The following PPP2R2C variants were observed in gnomAD, a reference collection of about 807,000 sequenced individuals.
PPP2R2C encodes the protein protein phosphatase 2, regulatory subunit B, gamma.
PPP2R2C carries 10 observed loss-of-function variants against 45.3 expected under a neutral mutation model. That is an observed-to-expected ratio of 0.22 (90% confidence interval 0.14 to 0.37). The LOEUF is 0.37. Among genes scored for constraint, PPP2R2C ranks in the 10% least tolerant of loss-of-function variants. PPP2R2C has a pLI of 1.00. For synonymous variants in PPP2R2C, 257 were observed against 245.4 expected, an observed-to-expected ratio of 1.05 and a Z score of -0.44; for missense variants, 308 against 619.7, an observed-to-expected ratio of 0.50 and a Z score of 5.34.
In PPP2R2C at chr4:6,323,313, C is replaced by A; in HGVS notation, c.1333G>T (p.Asp445Tyr). 1 of 1,600,974 alleles carries A rather than the reference C, an allele frequency of 6.2e-7. No individual in the cohort carries two copies. Among genetic ancestry groups the A allele is most frequent in the South Asian group, 1.1e-5 (1 of 90,406 alleles). ...LYIFQDKVNS[D>Y]MH is the part of the protein sequence containing the mutation. ...GGAACTGCACATACCTAGTGCATGT[C>A]AGAGTTTACCTTGTCCTGGAAGATG... Residue 445 changes from aspartate (D) to tyrosine (Y), a missense_variant, in exon 9 of 9, where the codon GAC becomes TAC. Asp to Tyr is a radical substitution (Grantham distance 160, BLOSUM62 -3). Transcript: ENST00000382599.
At chr4:6,509,245 T>G (rs1723345717) in intron 2 of PPP2R2C, among the ~76,000 whole-genome samples, 1 of 152,194 alleles carries the variant, frequency 6.6e-6, no homozygotes, top group East Asian at 1.9e-4. Flanking sequence ...ACACTCCAGC[T>G]TGAAAACAAA....
At chr4:6,382,655 T>C in intron 1 of PPP2R2C, 1 of 242,688 alleles carries the variant, frequency 4.1e-6, no homozygotes, top group African/African-American at 3.3e-5. Flanking sequence ...TCTCTCTCTC[T>C]CTCTCTCTCT....
At position 6,504,985 on chromosome 4, in the gene PPP2R2C, C is replaced by T. The variant is rs143117658; in HGVS notation, c.49+30286G>A. On this transcript the variant is annotated intron_variant, in intron 2 of 9. Transcript: ENST00000506140. Reference sequence around the variant, plus strand: ...AGGGAAAAAAACACAAAGAAAACCACATAAAGGCACGTCATAGTTAAACTA... The same window carrying T: ...AGGGAAAAAAACACAAAGAAAACCATATAAAGGCACGTCATAGTTAAACTA... Among the ~76,000 whole-genome samples, 825 of 152,214 alleles carry T rather than the reference C, an allele frequency of 5.4e-3. 7 individuals are homozygous for T. The highest frequency in any genetic ancestry group is 0.019 in the African/African-American group (779 of 41,546).
intron 2 of PPP2R2C, among the ~76,000 whole-genome samples, chr4:6,523,093 C>T (rs1724078656): frequency 6.6e-6 from 1 of 152,220 alleles, no homozygotes; most frequent in Middle Eastern, 3.2e-3. Flanking sequence ...CCAGGGCCTC[C>T]TGATCACATT....
upstream of PPP2R2C, among the ~76,000 whole-genome samples, chr4:6,472,643 C>CCG (rs1721978813): frequency 6.8e-6 from 1 of 147,586 alleles, no homozygotes; most frequent in Non-Finnish European, 1.5e-5. Flanking sequence ...GCCGCCGCCG[C>CCG]TGTCGCAGGC....
At position 6,368,361 on chromosome 4, in the gene PPP2R2C, C is replaced by A. The variant is rs184516219; in HGVS notation, c.625+4162G>T. ...TGTAGCACCCACGGACCACCTGCTC[C>A]AATGCCGGGTATTTTACCAATGGTT... On this transcript the variant is annotated intron_variant, in intron 5 of 8. Transcript: ENST00000382599. The surrounding 1 kb of genome is among the most constrained non-coding windows in gnomAD (Gnocchi z 4.2). Among the ~76,000 whole-genome samples, 39 of 152,296 alleles carry A rather than the reference C, an allele frequency of 2.6e-4. No individual in the cohort carries two copies. The highest frequency in any genetic ancestry group is 8.7e-4 in the African/African-American group (36 of 41,558).
At chr4:6,510,984 A>ACC (rs1723418807) in intron 2 of PPP2R2C, among the ~76,000 whole-genome samples, 1 of 94,294 alleles carries the variant, frequency 1.1e-5, no homozygotes, top group African/African-American at 3.0e-5. Flanking sequence ...CTCAAACAAA[A>ACC]AAAAACAAAC....
intron 1 of PPP2R2C, among the ~76,000 whole-genome samples, chr4:6,447,921 C>A (rs560459819): frequency 2.6e-5 from 4 of 152,310 alleles, no homozygotes; most frequent in Admixed American, 6.5e-5. Flanking sequence ...TCTGCCTAAT[C>A]ACCCTAAATG....
chr4:6,384,494 T>C (rs1716083568), intron 1 of PPP2R2C: 7 of 977,802 alleles, frequency 7.2e-6, no homozygotes, highest in South Asian at 4.7e-5. Flanking sequence ...CATTTTTTAA[T>C]AGCTGTATTG....
chr4:6,421,881 G>T (rs1718999895), intron 1 of PPP2R2C, among the ~76,000 whole-genome samples: 1 of 152,188 alleles, frequency 6.6e-6, no homozygotes, highest in Non-Finnish European at 1.5e-5. Context: ...CAATAATAGG[G>T]TTGTCATCTT....
Position 6,460,782 on chromosome 4 carries a change from G to C in PPP2R2C, c.70+11378C>G, listed in dbSNP as rs562264769. Among the ~76,000 whole-genome samples the C allele has an allele frequency of 7.2e-5, 11 of 152,066 alleles. No homozygotes were observed. The South Asian group carries it at 1.5e-3, about 20-fold the overall frequency. On this transcript the variant is annotated intron_variant, in intron 1 of 8. Transcript: ENST00000382599. The stretch of plus-strand genomic sequence containing the variant: ...GCTATGACTACATATGTTTTTTGTA[G>C]TAAGACAGCCAATAGAAATCAAAAT...
intron 1 of PPP2R2C, among the ~76,000 whole-genome samples, chr4:6,406,795 AC>A (rs755326994): frequency 7.9e-5 from 12 of 152,244 alleles, no homozygotes; most frequent in South Asian, 6.2e-4. Context: ...AAAATAAAAA[AC>A]AAAAGGTATG....
rs1273908287 is a variant in PPP2R2C, at chr4:6,324,997, C to T, written c.1053-1404G>A. Among the ~76,000 whole-genome samples the T allele has an allele frequency of 6.6e-6, 1 of 152,166 alleles. No homozygotes were observed. The highest frequency in any genetic ancestry group is 1.5e-5 in the Non-Finnish European group (1 of 68,040). ...TCCTTTTGGAAGCTGAGCTGGGCTT[C>T]CTGAGGGTGACACTGCTCTGTGACA... On this transcript the variant is annotated intron_variant, in intron 8 of 8. Transcript: ENST00000382599. The surrounding 1 kb of genome is among the most constrained non-coding windows in gnomAD (Gnocchi z 4.1).
Position 6,542,709 on chromosome 4 carries a change from A to AAAAAAGAAAAAG in PPP2R2C, c.-58-7344_-58-7333dup, listed in dbSNP as rs1553908407. Among the ~76,000 whole-genome samples the AAAAAAGAAAAAG allele has an allele frequency of 5.5e-5, 7 of 127,836 alleles. No homozygotes were observed. In the East Asian group the frequency reaches 1.2e-3, roughly 22 times the overall value. The allele number at this position is 127,836 out of a possible 152,430, so 83.9% of individuals were successfully genotyped here. ...CAGAGCAAGACTCTGTCTCAAAAAA[A>AAAAAAGAAAAAG]AAAAAGAAAAAGAAAAAAAGATCAT... is the stretch of plus-strand genomic sequence containing the variant. On this transcript the variant is annotated intron_variant, in intron 1 of 9. Transcript: ENST00000506140.
At chr4:6,552,201 G>A (rs958165896) in intron 1 of PPP2R2C, among the ~76,000 whole-genome samples, 1 of 152,164 alleles carries the variant, frequency 6.6e-6, no homozygotes, top group South Asian at 2.1e-4. Flanking sequence ...TTTTTCATTT[G>A]TTCTCATTGT....
chr4:6,395,412 A>G (rs1373966632), intron 1 of PPP2R2C, among the ~76,000 whole-genome samples: 3 of 152,130 alleles, frequency 2.0e-5, no homozygotes, highest in Non-Finnish European at 4.4e-5. Flanking sequence ...AGTCTGACCA[A>G]TGAGGGTTGG....
At chr4:6,356,791 C>A (rs1478765028) in intron 5 of PPP2R2C, among the ~76,000 whole-genome samples, 1 of 151,778 alleles carries the variant, frequency 6.6e-6, no homozygotes, top group African/African-American at 2.4e-5. Context: ...TCGGGCTAGC[C>A]TCTCAGCCTC....
At chr4:6,417,674 C>A (rs1405370139) in intron 1 of PPP2R2C, among the ~76,000 whole-genome samples, 7 of 152,254 alleles carry the variant, frequency 4.6e-5, no homozygotes, top group Non-Finnish European at 1.0e-4. Context: ...TCCATGGCCA[C>A]ATCCTTGCAG....
intron 1 of PPP2R2C, among the ~76,000 whole-genome samples, chr4:6,421,350 C>G (rs1363517799): frequency 1.3e-5 from 2 of 152,168 alleles, no homozygotes; most frequent in East Asian, 3.9e-4. Flanking sequence ...GATTCCCAGG[C>G]TGCCATTTTA....
Sources: allele counts gnomAD v4.1 joint callset (sites outside exome capture counted in the v4.1 genomes callset), GRCh38; gene constraint gnomAD v4.1.1; non-coding constraint Gnocchi (gnomAD v3.1); transcripts MANE v1.5; gene names NCBI Gene and HGNC (gene_info 2026-07-23, HGNC 2026-07-21).